NPAS3: variants seen among roughly 807,000 people sequenced by gnomAD.
NPAS3 encodes the protein neuronal PAS domain-containing protein 3.
NPAS3 carries 14 observed loss-of-function variants against 73.1 expected under a neutral mutation model. The ratio of observed to expected loss-of-function variants is 0.19; its 90% confidence interval spans 0.13 to 0.30. The LOEUF is 0.30. Among genes scored for constraint, NPAS3 ranks in the 10% least tolerant of loss-of-function variants. The pLI is 1.00. For synonymous variants in NPAS3, 620 were observed against 541.5 expected (o/e 1.14, Z -2.01); for missense variants, 1,096 against 1,250.0 (o/e 0.88, Z 1.86).
chr14:33,325,275 T>C lies in NPAS3; in HGVS notation c.386-41911T>C, dbSNP rs75772958. 5.6e-3 allele frequency among the ~76,000 whole-genome samples: 855 copies of C among 152,142 alleles called. 10 individuals carry two copies. Among genetic ancestry groups the C allele is most frequent in the African/African-American group, 0.02 (810 of 41,512 alleles). ...TGTGAAAGAATCACGTCATGGAAAATGGGGTATCTGTCCTCTCAAGCATTT... is the reference window on the plus strand; with the variant it reads ...TGTGAAAGAATCACGTCATGGAAAACGGGGTATCTGTCCTCTCAAGCATTT... On this transcript the variant is annotated intron_variant, in intron 3 of 11. Coordinates refer to ENST00000356141, the Ensembl canonical transcript of NPAS3.
At chr14:33,463,929 T>C (rs1413353743) in intron 4 of NPAS3, among the ~76,000 whole-genome samples, 1 of 152,010 alleles carries the variant, frequency 6.6e-6, no homozygotes, top group East Asian at 1.9e-4. Flanking sequence ...CAGTCCTCAG[T>C]TGAGGTATGA....
chr14:32,962,896 A>T (rs1419703614), intron 1 of NPAS3, among the ~76,000 whole-genome samples: 7 of 144,058 alleles, frequency 4.9e-5, no homozygotes, highest in Admixed American at 1.4e-4. Flanking sequence ...TTTTTTTTTT[A>T]AAGAGGTGGG....
chr14:33,615,733 T>C (rs2057895636), intron 5 of NPAS3, among the ~76,000 whole-genome samples: 1 of 152,160 alleles, frequency 6.6e-6, no homozygotes. Flanking sequence ...CACGTTTAGA[T>C]CTTGAACAAA....
intron 2 of NPAS3, among the ~76,000 whole-genome samples, chr14:33,110,044 C>A (rs2042842137): frequency 6.6e-6 from 1 of 151,798 alleles, no homozygotes; most frequent in African/African-American, 2.4e-5. Flanking sequence ...TGTGTCCTGG[C>A]CGAGAGCTCT....
At chr14:33,211,778 A>G (rs1335314941) in intron 2 of NPAS3, among the ~76,000 whole-genome samples, 1 of 152,188 alleles carries the variant, frequency 6.6e-6, no homozygotes, top group Non-Finnish European at 1.5e-5. Context: ...ATGATTTGTG[A>G]GGATGATAAT....
At chr14:33,760,567 A>C (rs1042258369) in intron 7 of NPAS3, among the ~76,000 whole-genome samples, 2 of 152,174 alleles carry the variant, frequency 1.3e-5, no homozygotes, top group East Asian at 3.8e-4. Context: ...TAGTTCATAC[A>C]TCTGTCATTC....
intron 1 of NPAS3, among the ~76,000 whole-genome samples, chr14:32,991,405 G>A (rs2038328972): frequency 1.3e-5 from 2 of 152,114 alleles, no homozygotes; most frequent in African/African-American, 2.4e-5. Flanking sequence ...GATGTCTTTA[G>A]CTTTCTGTCC....
chr14:33,583,654 T>C (rs1250780023), intron 5 of NPAS3, among the ~76,000 whole-genome samples: 1 of 152,188 alleles, frequency 6.6e-6, no homozygotes, highest in East Asian at 1.9e-4. Context: ...TAGGATTTAT[T>C]GGAAAGGGGA....
chr14:33,654,602 A>C (rs1397202288), intron 5 of NPAS3, among the ~76,000 whole-genome samples: 1 of 152,230 alleles, frequency 6.6e-6, no homozygotes, highest in African/African-American at 2.4e-5. Flanking sequence ...ACCTCTTTAG[A>C]CATTACCTTT....
At chr14:33,332,082 T>C (rs1259604486) in intron 3 of NPAS3, among the ~76,000 whole-genome samples, 1 of 152,236 alleles carries the variant, frequency 6.6e-6, no homozygotes, top group Non-Finnish European at 1.5e-5. Context: ...TTGATGGTTC[T>C]ACATAAAACT....
In NPAS3 at chr14:33,448,309, A is replaced by G. The variant is rs144930712; in HGVS notation, c.468+81041A>G. ...TAAAAGAAGAAAATTCAGGGCCCAG[A>G]ATCCTAGGGAACTCCATAATTTAAG... On this transcript the variant is annotated intron_variant, in intron 4 of 11. Coordinates refer to ENST00000356141, the Ensembl canonical transcript of NPAS3. Among the ~76,000 whole-genome samples the G allele has an allele frequency of 2.0e-3, 303 of 152,308 alleles. 1 individual carries two copies. The highest frequency in any genetic ancestry group is 7.0e-3 in the African/African-American group (292 of 41,576).
At chr14:33,661,761 A>C (rs542443129) in intron 5 of NPAS3, among the ~76,000 whole-genome samples, 3 of 152,370 alleles carry the variant, frequency 2.0e-5, no homozygotes, top group African/African-American at 7.2e-5. Context: ...ATTCATTTTC[A>C]AATAGATTTC....
At chr14:33,755,328 C>T (rs1456451870) in intron 7 of NPAS3, among the ~76,000 whole-genome samples, 7 of 152,134 alleles carry the variant, frequency 4.6e-5, no homozygotes, top group South Asian at 2.1e-4. Flanking sequence ...AATTGACCTC[C>T]TCATTTTATT....
chr14:33,394,397 C>T (rs1360907591), intron 4 of NPAS3, among the ~76,000 whole-genome samples: 1 of 152,154 alleles, frequency 6.6e-6, no homozygotes, highest in African/African-American at 2.4e-5. Flanking sequence ...CTTAATATCA[C>T]TCTTTACAAT....
chr14:33,525,146 A>G (rs946897464), intron 4 of NPAS3, among the ~76,000 whole-genome samples: 17 of 152,298 alleles, frequency 1.1e-4, no homozygotes, highest in South Asian at 4.1e-4. Context: ...GTTCTAAAAA[A>G]GGGGATAAGT....
intron 4 of NPAS3, among the ~76,000 whole-genome samples, chr14:33,479,285 G>A (rs544180764): frequency 4.1e-4 from 62 of 152,016 alleles, no homozygotes; most frequent in South Asian, 3.1e-3. Context: ...CTCTAGCAAG[G>A]GTAATAAATA....
intron 4 of NPAS3, among the ~76,000 whole-genome samples, chr14:33,460,443 T>G (rs2050210015): frequency 6.6e-6 from 1 of 152,352 alleles, no homozygotes; most frequent in Middle Eastern, 3.4e-3. Context: ...ATATGGTAAC[T>G]AGGCAACTCC....
rs61640170 is a variant in NPAS3, at chr14:33,452,774, C to CAAAAAAAAAAA, written c.468+85521_468+85531dup. Among the ~76,000 whole-genome samples the CAAAAAAAAAAA allele has an allele frequency of 1.3e-4, 7 of 53,834 alleles. 1 individual carries two copies. Among genetic ancestry groups the CAAAAAAAAAAA allele is most frequent in the African/African-American group, 5.4e-4 (7 of 12,876 alleles). The allele number at this position is 53,834 out of a possible 152,430, so 35.3% of individuals were successfully genotyped here. A position where few individuals can be genotyped will look rare whatever the true frequency, so the allele number is the denominator to read the frequency against. Reference sequence around the variant, plus strand: ...TGGGCGACAGAGTTAGACTCTGTCTCAAAAAAAAAAAAAAAAAAAAAAAAA... The same window carrying CAAAAAAAAAAA: ...TGGGCGACAGAGTTAGACTCTGTCTCAAAAAAAAAAAAAAAAAAAAAAAAAAAAAAAAAAAA... On this transcript the variant is annotated intron_variant, in intron 4 of 11. Transcript: ENST00000356141.
intron 3 of NPAS3, among the ~76,000 whole-genome samples, chr14:33,363,874 A>G (rs757933502): frequency 6.6e-6 from 1 of 151,850 alleles, no homozygotes; most frequent in Non-Finnish European, 1.5e-5. Context: ...TGGTAACAGA[A>G]TCTTCACAGA....
Sources: allele counts gnomAD v4.1 joint callset (sites outside exome capture counted in the v4.1 genomes callset), GRCh38; gene constraint gnomAD v4.1.1; transcripts MANE v1.5; gene names NCBI Gene and HGNC (gene_info 2026-07-23, HGNC 2026-07-21).